The following NSD3 variants were observed in gnomAD, a reference collection of about 807,000 sequenced individuals.
The protein encoded by NSD3 is nuclear receptor binding SET domain protein 3, also known as histone-lysine N-methyltransferase NSD3.
NSD3 carries 24 observed loss-of-function variants against 160.8 expected under a neutral mutation model. The ratio of observed to expected loss-of-function variants is 0.15; its 90% CI spans 0.11 to 0.21. NSD3 has a LOEUF of 0.21. Ranked by LOEUF, NSD3 falls within the 10% of genes least tolerant of loss-of-function variation. The pLI, the probability that NSD3 is intolerant of heterozygous loss-of-function variation, is 1.00. For missense variants in NSD3, 1,157 were observed against 1,735.9 expected (o/e 0.67, Z 5.93); for synonymous variants, 520 against 600.0 (o/e 0.87, Z 1.95).
At chr8:38,373,360 T>C (rs1054073088) in intron 1 of NSD3, among the ~76,000 whole-genome samples, 4 of 152,084 alleles carry the variant, frequency 2.6e-5, no homozygotes, top group Admixed American at 6.5e-5. Flanking sequence ...GTAGCTGGGA[T>C]TACAGGCGTG....
chr8:38,278,220 G>A (rs559142559), intron 22 of NSD3, 86 bp downstream of exon 22: 26 of 1,207,266 alleles, frequency 2.2e-5, no homozygotes, highest in Non-Finnish European at 2.6e-5. Context: ...TTACAGGCAT[G>A]AGCCACCGCG....
Position 38,321,257 on chromosome 8 carries a change from G to C in NSD3, c.1709-85C>G. 2 of 1,059,228 alleles carry C rather than the reference G, an allele frequency of 1.9e-6. No homozygotes were observed. The highest frequency in any genetic ancestry group is 1.4e-6 in the Non-Finnish European group (1 of 738,730). 65.6% of individuals were successfully genotyped at this position (1,059,228 alleles called of 1,614,324 possible). A position where few individuals can be genotyped will look rare whatever the true frequency, so the allele number is the denominator to read the frequency against. On this transcript the variant is annotated intron_variant, in intron 7 of 23. Coordinates refer to ENST00000317025, the MANE Select transcript of NSD3 (RefSeq NM_023034.2). The surrounding 1 kb of genome is among the most constrained non-coding windows in gnomAD (Gnocchi z 4.7). Reference sequence around the variant, plus strand: ...TAATTAAGATATGACCACATTCCTTGCTTTTCTTACCCATTACTTTTGGAA... The same window carrying C: ...TAATTAAGATATGACCACATTCCTTCCTTTTCTTACCCATTACTTTTGGAA...
intron 22 of NSD3, among the ~76,000 whole-genome samples, chr8:38,277,568 C>G (rs754358040): frequency 6.6e-6 from 1 of 152,318 alleles, no homozygotes; most frequent in Middle Eastern, 3.4e-3. Context: ...TGAGCCACCA[C>G]GCCCAGCCAG....
At chr8:38,323,221 AT>A (rs1242793630) in intron 7 of NSD3, among the ~76,000 whole-genome samples, 9 of 148,808 alleles carry the variant, frequency 6.0e-5, no homozygotes, top group Non-Finnish European at 7.5e-5. Context: ...TGCCCAGCTA[AT>A]TTTTTTTTTG....
chr8:38,350,543 T>C (rs1000085530), intron 1 of NSD3, among the ~76,000 whole-genome samples: 1 of 152,222 alleles, frequency 6.6e-6, no homozygotes, highest in Non-Finnish European at 1.5e-5. Flanking sequence ...GTTTTTTTCT[T>C]GTAAATATGT....
chr8:38,288,540 T>C lies in NSD3; in HGVS notation c.3448A>G (p.Ile1150Val), dbSNP rs1200915772. 2 of 1,614,080 alleles carry C rather than the reference T, an allele frequency of 1.2e-6. No individual in the cohort carries two copies. The highest frequency in any genetic ancestry group is 1.7e-6 in the Non-Finnish European group (2 of 1,180,044). ...CCCCAGCCTCTCCGCTCCGTTTTGA[T>C]GATCTCTGCATCAGGGTATAGTCTC... Reference protein sequence around the residue: ...TKRLYPDAEIIKTERRGWGLR... With the variant: ...TKRLYPDAEIVKTERRGWGLR... The change falls in exon 19 of 24, where the codon ATC (isoleucine) becomes GTC (valine). Residue 1150 changes from isoleucine (I) to valine (V), a missense_variant. Physicochemically the swap from Ile to Val is conservative, Grantham distance 29 (BLOSUM62 3). This residue lies in a region of NSD3 where 222 missense variants were observed against 409.9 expected (regional missense o/e 0.54). Transcript: ENST00000317025. The surrounding 1 kb of genome is among the most constrained non-coding windows in gnomAD (Gnocchi z 4.5).
Position 38,317,276 on chromosome 8 carries a change from G to A in NSD3, c.1856-1234C>T. 1.0e-5 allele frequency: 11 copies of A among 1,060,678 alleles called. No individual in the cohort carries two copies. The highest frequency in any genetic ancestry group is 1.6e-5 in the African/African-American group (1 of 60,882). The allele number at this position is 1,060,678 out of a possible 1,614,324, so 65.7% of individuals were successfully genotyped here. A position where few individuals can be genotyped will look rare whatever the true frequency, so the allele number is the denominator to read the frequency against. The stretch of plus-strand genomic sequence containing the variant: ...TGAATGTTTCCTGACATCTATAAAT[G>A]AGGGTGCCTGCCCATGTTAATGCTG... On this transcript the variant is annotated intron_variant, in intron 9 of 23. Coordinates refer to ENST00000317025, the MANE Select transcript of NSD3 (RefSeq NM_023034.2). The surrounding 1 kb of genome is among the most constrained non-coding windows in gnomAD (Gnocchi z 5.3).
Position 38,295,908 on chromosome 8 carries a change from G to T in NSD3, c.2803C>A (p.Pro935Thr), listed in dbSNP as rs991823454. ...GGCATTTCTATGCTTAGGCATTCCG[G>T]GTGGAAGGAAGCTGGGCACGATTCA... The part of the protein sequence containing the change: ...CCESCPASFH[P>T]ECLSIEMPEG... Residue 935 changes from proline (P) to threonine (T), a missense_variant, in exon 16 of 24, where the codon CCG becomes ACG. This residue lies in a region of NSD3 where 437 missense variants were observed against 576.6 expected (regional missense o/e 0.76). Coordinates refer to ENST00000317025, the MANE Select transcript of NSD3 (RefSeq NM_023034.2). 1 of 1,613,542 alleles carries T rather than the reference G, an allele frequency of 6.2e-7. No individual in the cohort carries two copies. Among genetic ancestry groups the T allele is most frequent in the South Asian group, 1.1e-5 (1 of 90,982 alleles).
At chr8:38,311,331 G>C (rs371106780) in intron 12 of NSD3, among the ~76,000 whole-genome samples, 7 of 151,696 alleles carry the variant, frequency 4.6e-5, no homozygotes, top group African/African-American at 1.7e-4. Flanking sequence ...TTCGTTTTTT[G>C]TTTTTGTTTT....
intron 1 of NSD3, among the ~76,000 whole-genome samples, chr8:38,357,118 CAAAAAA>C (rs966483645): frequency 4.2e-3 from 90 of 21,304 alleles, no homozygotes; most frequent in African/African-American, 0.016. Flanking sequence ...GACACCATCT[CAAAAAA>C]AAAAAAAAAA....
intron 7 of NSD3, among the ~76,000 whole-genome samples, chr8:38,325,811 C>T (rs994629264): frequency 2.0e-5 from 3 of 150,494 alleles, no homozygotes; most frequent in East Asian, 3.9e-4. Context: ...GAGCCATGAT[C>T]GTACCATTGT....
chr8:38,338,871 G>A (rs1810289274), intron 2 of NSD3, among the ~76,000 whole-genome samples: 1 of 152,150 alleles, frequency 6.6e-6, no homozygotes, highest in Non-Finnish European at 1.5e-5. Flanking sequence ...GCCGGGTGCA[G>A]TAGCTCATGC....
chr8:38,363,532 C>G (rs1281755498), intron 1 of NSD3, among the ~76,000 whole-genome samples: 1 of 150,868 alleles, frequency 6.6e-6, no homozygotes, highest in African/African-American at 2.4e-5. Context: ...GTCCCAGCTA[C>G]TCTGGAGGCT....
intron 1 of NSD3, among the ~76,000 whole-genome samples, chr8:38,366,282 C>T (rs1811103798): frequency 6.6e-6 from 1 of 151,984 alleles, no homozygotes; most frequent in African/African-American, 2.4e-5. Flanking sequence ...CTTTCTTTGC[C>T]ATGAAGAATT....
In NSD3 at chr8:38,382,243, T is replaced by C. The variant is rs1322724208; in HGVS notation, c.-489A>G. On this transcript the variant is annotated 5_prime_UTR_variant, in exon 1 of 24. Coordinates refer to ENST00000317025, the MANE Select transcript of NSD3 (RefSeq NM_023034.2). This position sits in a 1 kb window ranked among gnomAD's most constrained non-coding sequence, Gnocchi z 4.2. ...CTCCGTGCTGGCCGCCGCCGCCGCC[T>C]CTCCCGCCGCCGCCGCGCACAAAGC... 5 of 167,570 alleles carry C rather than the reference T, an allele frequency of 3.0e-5. No individual in the cohort carries two copies. In the East Asian group the frequency reaches 7.2e-4, roughly 24 times the overall value. The allele number at this position is 167,570 out of a possible 1,614,324, so 10.4% of individuals were successfully genotyped here.
At chr8:38,372,775 C>T (rs181167716) in intron 1 of NSD3, among the ~76,000 whole-genome samples, 1 of 149,320 alleles carries the variant, frequency 6.7e-6, no homozygotes, top group East Asian at 2.0e-4. Flanking sequence ...GGATTACAGG[C>T]ATGAGCCACT....
chr8:38,315,666 C>G (rs949206556), intron 10 of NSD3, 122 bp from the exon 11 acceptor site: 114 of 1,379,834 alleles, frequency 8.3e-5, no homozygotes, highest in Non-Finnish European at 1.0e-4. Context: ...CACCTTTTTC[C>G]TTCCTTTCTT....
chr8:38,327,907 T>C (rs544446206), intron 6 of NSD3, among the ~76,000 whole-genome samples: 108 of 152,284 alleles, frequency 7.1e-4, no homozygotes, highest in Admixed American at 2.0e-3. Context: ...TATAAACATA[T>C]ATGTATTTTT....
intron 14 of NSD3, chr8:38,303,093 G>T: frequency 2.9e-6 from 1 of 342,314 alleles, no homozygotes; most frequent in Non-Finnish European, 4.1e-6. Context: ...AATTATGCAT[G>T]CTTATACACT....
Sources: gnomAD v4.1 joint callset for allele counts (sites outside exome capture counted in the v4.1 genomes callset) on GRCh38, gnomAD v4.1.1 for gene constraint, gnomAD v4.1.1 regional missense constraint, Gnocchi (gnomAD v3.1) non-coding constraint, MANE v1.5 for transcripts, NCBI Gene and HGNC (gene_info 2026-07-23, HGNC 2026-07-21) for gene names.